The following APTX variants were observed in gnomAD, a reference collection of about 807,000 sequenced individuals.
APTX encodes the protein forkhead-associated domain histidine triad-like protein.
In APTX, 33 loss-of-function variants were observed where a neutral mutation model predicts 42.3. The observed-to-expected ratio is 0.78, with a 90% CI of 0.59 to 1.04. The LOEUF (loss-of-function observed/expected upper bound fraction) is 1.04. Ranked by LOEUF, APTX falls within the 50% of genes least tolerant of loss-of-function variation. APTX has a pLI of 0.00. For synonymous variants in APTX, 130 were observed against 146.7 expected (o/e 0.89, Z 0.82); for missense variants, 421 against 415.1 (o/e 1.01, Z -0.12).
chr9:32,973,632 C>T lies in APTX; in HGVS notation c.895G>A (p.Glu299Lys), dbSNP rs1828582025. ...TCTCGGACAGTTACTCTACCAGCCT[C>T]TTGTACCATCTCGATCACAGCTGCA... ...ESQAVIEMVQ[E>K]AGRVTVRDGM... The change falls in exon 8 of 8, where the codon GAG (glutamate) becomes AAG (lysine). Residue 299 changes from glutamate to lysine, a missense_variant. Glu to Lys is a moderately conservative substitution (Grantham distance 56, BLOSUM62 1). Transcript: ENST00000379817. 29 of 1,612,548 alleles carry T rather than the reference C, an allele frequency of 1.8e-5. No individual in the cohort carries two copies. The highest frequency in any genetic ancestry group is 2.4e-5 in the Non-Finnish European group (28 of 1,179,768).
At chr9:32,988,250 A>C (rs891505742) in intron 2 of APTX, 121 bp from the exon 3 acceptor site, 1 of 845,464 alleles carries the variant, frequency 1.2e-6, no homozygotes, top group Non-Finnish European at 2.0e-6. Context: ...TGTTTCCTTA[A>C]AGGCCTATTA....
chr9:32,984,559 G>A (rs1385078729), intron 6 of APTX, 72 bp downstream of exon 6: 3 of 1,495,744 alleles, frequency 2.0e-6, no homozygotes, highest in Non-Finnish European at 1.9e-6. Context: ...TGTGCCCTCA[G>A]CAAGCCCAGG....
At chr9:33,022,206 AGACT>A (rs1426165568) in intron 1 of APTX, among the ~76,000 whole-genome samples, 1 of 152,224 alleles carries the variant, frequency 6.6e-6, no homozygotes, top group Non-Finnish European at 1.5e-5. Flanking sequence ...AACACATGAC[AGACT>A]AATATCTACC....
intron 1 of APTX, chr9:33,001,189 A>G (rs1836351601): frequency 2.5e-6 from 2 of 803,000 alleles, no homozygotes; most frequent in Admixed American, 6.4e-5. Context: ...CCTGTTGAGG[A>G]TGCTGCTAAG....
At chr9:32,976,502 T>C (rs1192562987) in intron 6 of APTX, among the ~76,000 whole-genome samples, 2 of 152,204 alleles carry the variant, frequency 1.3e-5, no homozygotes, top group Non-Finnish European at 2.9e-5. Context: ...AAATTATCTA[T>C]CAACCTCCAT....
chr9:32,974,307 C>G (rs1342217817), intron 7 of APTX, 151 bp downstream of exon 7: 1 of 635,238 alleles, frequency 1.6e-6, no homozygotes, highest in Non-Finnish European at 2.8e-6. Context: ...TCCAAATAAT[C>G]CAGTTTCTTT....
At chr9:33,007,980 A>G (rs191938400) in intron 1 of APTX, among the ~76,000 whole-genome samples, 15 of 152,266 alleles carry the variant, frequency 9.9e-5, no homozygotes, top group Non-Finnish European at 1.6e-4. Flanking sequence ...GATCATCTCC[A>G]AAGTACCAGC....
chr9:33,022,438 G>A (rs184203418), intron 1 of APTX, among the ~76,000 whole-genome samples: 2 of 152,336 alleles, frequency 1.3e-5, no homozygotes, highest in African/African-American at 4.8e-5. Flanking sequence ...CACACTGCTG[G>A]AAGCAGTTAC....
At chr9:32,988,818 A>G (rs1308550152) in intron 2 of APTX, among the ~76,000 whole-genome samples, 7 of 152,220 alleles carry the variant, frequency 4.6e-5, no homozygotes, top group Non-Finnish European at 1.0e-4. Flanking sequence ...AAACAGTAAA[A>G]GACACATTCC....
In APTX at chr9:32,989,844, T is replaced by C; in HGVS notation, c.48A>G (p.Arg16=). ...WLVRQDSRHQ[R]IRLPHLEAVV... Reference sequence around the variant, plus strand: ...CTGCTTCCAAATGTGGAAGTCTGATTCGCTGGTGCCGGCTGTCCTGTCTCA... The same window carrying C: ...CTGCTTCCAAATGTGGAAGTCTGATCCGCTGGTGCCGGCTGTCCTGTCTCA... Residue 16 remains arginine (R), a synonymous_variant, in exon 2 of 8, where the codon CGA becomes CGG. Coordinates refer to ENST00000379817, the MANE Select transcript of APTX (RefSeq NM_001195248.2). 9 of 1,614,262 alleles carry C rather than the reference T, an allele frequency of 5.6e-6. No homozygotes were observed. The highest frequency in any genetic ancestry group is 7.6e-6 in the Non-Finnish European group (9 of 1,180,050).
intron 1 of APTX, 69 bp from the exon 2 acceptor site, chr9:32,989,964 C>G: frequency 6.4e-7 from 1 of 1,555,728 alleles, no homozygotes; most frequent in South Asian, 1.2e-5. Context: ...GGGCCACACC[C>G]GGTGCCACCA....
chr9:32,974,449 ACT>A lies in APTX; in HGVS notation c.874+7_874+8del. On this transcript the variant is annotated splice_region_variant and intron_variant, in intron 7 of 7. Transcript: ENST00000379817. ...GAAACAAATGTGAAAACCAAGGAACACTGTTTACCTTGTGATTCTAGGAAGTA... is the reference window on the plus strand; with the variant it reads ...GAAACAAATGTGAAAACCAAGGAACAGTTTACCTTGTGATTCTAGGAAGTA... 6.7e-7 allele frequency: 1 copy of A among 1,481,904 alleles called. No homozygotes were observed. Among genetic ancestry groups the A allele is most frequent in the East Asian group, 2.3e-5 (1 of 44,154 alleles). 91.8% of individuals were successfully genotyped at this position (1,481,904 alleles called of 1,614,324 possible).
intron 1 of APTX, among the ~76,000 whole-genome samples, chr9:32,992,097 T>C (rs1833780947): frequency 1.3e-5 from 2 of 152,154 alleles, no homozygotes; most frequent in African/African-American, 4.8e-5. Context: ...CAGGGAATTA[T>C]GGGCAGAGAG....
chr9:33,014,611 G>C (rs970059740), intron 1 of APTX, among the ~76,000 whole-genome samples: 1 of 152,228 alleles, frequency 6.6e-6, no homozygotes, highest in Admixed American at 6.5e-5. Context: ...CCTAAAGGGG[G>C]CCCTTAAACT....
In APTX at chr9:32,989,839, C is replaced by A; in HGVS notation, c.53G>T (p.Arg18Ile). The change falls in exon 2 of 8, where the codon AGA (arginine) becomes ATA (isoleucine). Residue 18 changes from arginine to isoleucine, a missense_variant. Arg to Ile is a moderately conservative substitution (Grantham distance 97). Transcript: ENST00000379817. ...VRQDSRHQRI[R>I]LPHLEAVVIG... is the part of the protein sequence containing the mutation. ...CACAACTGCTTCCAAATGTGGAAGTCTGATTCGCTGGTGCCGGCTGTCCTG... is the reference window on the plus strand; with the variant it reads ...CACAACTGCTTCCAAATGTGGAAGTATGATTCGCTGGTGCCGGCTGTCCTG... The A allele has an allele frequency of 6.2e-7, 1 of 1,614,256 alleles. No homozygotes were observed. The highest frequency in any genetic ancestry group is 2.2e-5 in the East Asian group (1 of 44,888).
chr9:33,019,896 C>A, intron 1 of APTX: 1 of 573,228 alleles, frequency 1.7e-6, no homozygotes, highest in Admixed American at 2.9e-5. Context: ...GCCAGGGACC[C>A]ATGGGCAATT....
chr9:32,991,427 G>A (rs1297845273), intron 1 of APTX, among the ~76,000 whole-genome samples: 3 of 152,196 alleles, frequency 2.0e-5, no homozygotes, highest in Non-Finnish European at 4.4e-5. Flanking sequence ...AGCAAGAAGA[G>A]CCAGGAGAAA....
At chr9:32,986,606 G>A (rs938333220) in intron 4 of APTX, among the ~76,000 whole-genome samples, 8 of 147,716 alleles carry the variant, frequency 5.4e-5, no homozygotes, top group African/African-American at 1.5e-4. Flanking sequence ...GGGTTCAAGC[G>A]ATGCTCCTGC....
intron 1 of APTX, among the ~76,000 whole-genome samples, chr9:33,010,523 C>T (rs1259626743): frequency 6.6e-6 from 1 of 151,962 alleles, no homozygotes; most frequent in Non-Finnish European, 1.5e-5. Context: ...AGTTCAAGAC[C>T]AGCCTGGTCA....
Sources: allele counts gnomAD v4.1 joint callset (sites outside exome capture counted in the v4.1 genomes callset), GRCh38; gene constraint gnomAD v4.1.1; transcripts MANE v1.5; gene names NCBI Gene and HGNC (gene_info 2026-07-23, HGNC 2026-07-21).